The following IL27RA variants were observed in gnomAD, a reference collection of about 807,000 sequenced individuals.
IL27RA encodes the protein interleukin 27 receptor subunit alpha.
In IL27RA, 61 loss-of-function variants were observed where a neutral mutation model predicts 80.8. The observed-to-expected ratio is 0.76, with a 90% CI of 0.61 to 0.93. The LOEUF (loss-of-function observed/expected upper bound fraction) is 0.93. IL27RA is among the 40% of genes least tolerant of loss of function. The pLI is 0.00. For synonymous variants in IL27RA, 316 were observed against 332.5 expected, an observed-to-expected ratio of 0.95 and a Z score of 0.54; for missense variants, 735 against 808.1, an observed-to-expected ratio of 0.91 and a Z score of 1.10.
At chr19:14,042,896 C>A in intron 6 of IL27RA, 107 bp downstream of exon 6, 1 of 1,003,930 alleles carries the variant, frequency 1.0e-6, no homozygotes, top group Non-Finnish European at 1.6e-6. Context: ...CCCAACACTG[C>A]TGTGGGAGGC....
intron 11 of IL27RA, among the ~76,000 whole-genome samples, 174 bp from the exon 12 acceptor site, chr19:14,051,433 T>C (rs567638862): frequency 5.0e-4 from 72 of 143,526 alleles, no homozygotes; most frequent in African/African-American, 1.8e-3. Flanking sequence ...TAATCCCAGC[T>C]ACTTGGGAGG....
At position 14,031,983 on chromosome 19, in the gene IL27RA, G is replaced by C; in HGVS notation, c.100+11G>C. 6.2e-7 allele frequency: 1 copy of C among 1,601,024 alleles called. No homozygotes were observed. Among genetic ancestry groups the C allele is most frequent in the Middle Eastern group, 1.7e-4 (1 of 6,046 alleles). On this transcript the variant is annotated intron_variant, in intron 1 of 13. Transcript: ENST00000263379. Reference sequence around the variant, plus strand: ...GGACGCGTCCCCAGGGTGAGTGCTGGAGGGAGCTCGTGTCCCGGGCGCTGC... The same window carrying C: ...GGACGCGTCCCCAGGGTGAGTGCTGCAGGGAGCTCGTGTCCCGGGCGCTGC...
chr19:14,047,020 A>T (rs777708178), intron 8 of IL27RA, among the ~76,000 whole-genome samples: 1 of 151,660 alleles, frequency 6.6e-6, no homozygotes, highest in Admixed American at 6.6e-5. Flanking sequence ...ATAAATAAAT[A>T]AATAGCGTGA....
intron 4 of IL27RA, among the ~76,000 whole-genome samples, chr19:14,041,715 C>T (rs1360427632): frequency 6.6e-6 from 1 of 152,160 alleles, no homozygotes; most frequent in African/African-American, 2.4e-5. Flanking sequence ...TTGACAGGCC[C>T]ATGTTCTGGA....
chr19:14,049,584 T>A (rs1196956260), intron 10 of IL27RA, among the ~76,000 whole-genome samples: 1 of 145,374 alleles, frequency 6.9e-6, no homozygotes, highest in East Asian at 2.0e-4. Context: ...ATGGTTCCAT[T>A]TTTTTTTTTT....
chr19:14,033,423 AAATAT>A (rs1444564838), intron 2 of IL27RA, among the ~76,000 whole-genome samples: 1 of 151,694 alleles, frequency 6.6e-6, no homozygotes, highest in Non-Finnish European at 1.5e-5. Context: ...TAAAAATATA[AAATAT>A]AATATAAATA....
Position 14,046,628 on chromosome 19 carries a change from TG to T in IL27RA, c.1141+13del, listed in dbSNP as rs769622754. ...AGTGCTCTGTTACCAGGTGAGGCCC[TG>T]GGACACCTGGGTCTCCATCCCCGCT... is the stretch of plus-strand genomic sequence containing the variant. On this transcript the variant is annotated intron_variant, in intron 8 of 13. Coordinates refer to ENST00000263379, the MANE Select transcript of IL27RA (RefSeq NM_004843.4). The T allele has an allele frequency of 3.3e-5, 52 of 1,577,586 alleles. No individual in the cohort carries two copies. The African/African-American group carries it at 6.9e-4, about 21-fold the overall frequency.
In IL27RA at chr19:14,031,881, A is replaced by T; in HGVS notation, c.9A>T (p.Gly3=). The T allele has an allele frequency of 6.3e-7, 1 of 1,598,846 alleles. No individual in the cohort carries two copies. The highest frequency in any genetic ancestry group is 1.3e-5 in the African/African-American group (1 of 74,688). MR[G]GRGAPFWLWP... ...GGCTCCCGAGGGACGCCATGCGGGG[A>T]GGCAGGGGCGCCCCTTTCTGGCTGT... The change falls in exon 1 of 14, where the codon GGA becomes GGT. Residue 3 remains glycine, a synonymous_variant. Coordinates refer to ENST00000263379, the MANE Select transcript of IL27RA (RefSeq NM_004843.4).
At chr19:14,037,767 G>A (rs908601064) in intron 2 of IL27RA, among the ~76,000 whole-genome samples, 1 of 152,014 alleles carries the variant, frequency 6.6e-6, no homozygotes, top group Non-Finnish European at 1.5e-5. Flanking sequence ...TGGTGCGGGG[G>A]ATTGCTTGAG....
chr19:14,036,453 C>T (rs1975900587), intron 2 of IL27RA, among the ~76,000 whole-genome samples: 1 of 151,030 alleles, frequency 6.6e-6, no homozygotes, highest in South Asian at 2.1e-4. Context: ...TAATGTTCGC[C>T]ATTTCCATCC....
At chr19:14,032,289 C>CG in intron 1 of IL27RA, 97 bp from the exon 2 acceptor site, 3 of 952,534 alleles carry the variant, frequency 3.1e-6, no homozygotes, top group South Asian at 1.5e-5. Context: ...CCTAAGCCCC[C>CG]CCACCTTGCA....
At chr19:14,038,518 C>T (rs1407376891) in intron 2 of IL27RA, among the ~76,000 whole-genome samples, 2 of 144,120 alleles carry the variant, frequency 1.4e-5, no homozygotes, top group African/African-American at 5.2e-5. Context: ...TTCAAGGTTG[C>T]AGTGATCTAT....
chr19:14,042,070 G>A (rs766639103), intron 4 of IL27RA, among the ~76,000 whole-genome samples: 14 of 152,022 alleles, frequency 9.2e-5, no homozygotes, highest in Non-Finnish European at 1.3e-4. Context: ...ATGGTGGCGC[G>A]TGCCTGTAAT....
intron 12 of IL27RA, 86 bp from the exon 13 acceptor site, chr19:14,051,794 G>T: frequency 7.0e-7 from 1 of 1,419,792 alleles, no homozygotes; most frequent in African/African-American, 1.4e-5. Context: ...AGGCCTCAGG[G>T]CGCAGTCACA....
In IL27RA at chr19:14,045,885, C is replaced by T. The variant is rs554857294; in HGVS notation, c.769-269C>T. Among the ~76,000 whole-genome samples the T allele has an allele frequency of 1.7e-4, 26 of 151,658 alleles. 1 individual carries two copies. The Middle Eastern group carries it at 0.014, about 79-fold the overall frequency. Reference sequence around the variant, plus strand: ...ACTAAAAATACAAAAATTAGCCGGGCGTGATGGCAGGCGCCTGTAATCCCA... The same window carrying T: ...ACTAAAAATACAAAAATTAGCCGGGTGTGATGGCAGGCGCCTGTAATCCCA... On this transcript the variant is annotated intron_variant, in intron 6 of 13. Transcript: ENST00000263379.
chr19:14,032,662 C>A (rs1343701023), intron 2 of IL27RA, among the ~76,000 whole-genome samples, 159 bp downstream of exon 2: 1 of 148,952 alleles, frequency 6.7e-6, no homozygotes, highest in Non-Finnish European at 1.5e-5. Context: ...AAAAATTACC[C>A]AGGGGTGGTG....
Position 14,038,838 on chromosome 19 carries a change from C to T in IL27RA, c.219-670C>T, listed in dbSNP as rs184108604. Among the ~76,000 whole-genome samples, 42 of 149,214 alleles carry T rather than the reference C, an allele frequency of 2.8e-4. No homozygotes were observed. In the East Asian group the frequency reaches 5.5e-3, roughly 20 times the overall value. On this transcript the variant is annotated intron_variant, in intron 2 of 13. Coordinates refer to ENST00000263379, the MANE Select transcript of IL27RA (RefSeq NM_004843.4). ...GGCAGAGGTTGCGGTGAGCCAAGAT[C>T]GCACCATTGCACTCCAAGCTGGGCA...
At position 14,050,851 on chromosome 19, in the gene IL27RA, C is replaced by T. The variant is rs1976151447; in HGVS notation, c.1496C>T (p.Pro499Leu). ...GCATCTACCATCGCTGGACAGGGCCCTCCTGGTCCCATCCTCCGGCTTCAT... is the reference window on the plus strand; with the variant it reads ...GCATCTACCATCGCTGGACAGGGCCTTCCTGGTCCCATCCTCCGGCTTCAT... Reference protein sequence around the residue: ...VTASTIAGQGPPGPILRLHLP... With the variant: ...VTASTIAGQGLPGPILRLHLP... The change falls in exon 11 of 14, where the codon CCT (proline) becomes CTT (leucine). Residue 499 changes from proline (P) to leucine (L), a missense_variant. Physicochemically the swap from Pro to Leu is moderately conservative, Grantham distance 98 (BLOSUM62 -3). Coordinates refer to ENST00000263379, the MANE Select transcript of IL27RA (RefSeq NM_004843.4). 2 of 1,612,180 alleles carry T rather than the reference C, an allele frequency of 1.2e-6. No homozygotes were observed. The highest frequency in any genetic ancestry group is 1.1e-5 in the South Asian group (1 of 90,992).
chr19:14,032,131 G>C (rs560364805), intron 1 of IL27RA, among the ~76,000 whole-genome samples, 159 bp downstream of exon 1: 1 of 152,330 alleles, frequency 6.6e-6, no homozygotes, highest in Admixed American at 6.5e-5. Context: ...ACTGGGGAAT[G>C]GGCGGCAGCG....
Sources: gnomAD v4.1 joint callset for allele counts (sites outside exome capture counted in the v4.1 genomes callset) on GRCh38, gnomAD v4.1.1 for gene constraint, MANE v1.5 for transcripts, NCBI Gene and HGNC (gene_info 2026-07-23, HGNC 2026-07-21) for gene names.